Variants in ZNF836 observed in about 807,000 individuals in gnomAD.
ZNF836 encodes zinc finger protein 836.
Under a neutral mutation model 7.4 loss-of-function variants are expected in ZNF836, and 12 were observed. The observed-to-expected ratio is 1.61, with a 90% CI of 1.03 to 2.61. ZNF836 has a LOEUF of 2.61. ZNF836 is among the 30% of genes most tolerant of loss of function. The pLI, the probability that ZNF836 is intolerant of heterozygous loss-of-function variation, is 0.00. For missense variants in ZNF836, 998 were observed against 1,126.2 expected (o/e 0.89, Z 1.63); for synonymous variants, 365 against 382.6 (o/e 0.95, Z 0.54).
chr19:52,167,349 G>A (rs973815428), intron 3 of ZNF836, among the ~76,000 whole-genome samples: 1 of 151,484 alleles, frequency 6.6e-6, no homozygotes, highest in Non-Finnish European at 1.5e-5. Flanking sequence ...GCGCATGCCT[G>A]TAATCCCAGC....
chr19:52,162,431 T>C (rs2089220696), intron 3 of ZNF836, among the ~76,000 whole-genome samples: 1 of 152,238 alleles, frequency 6.6e-6, no homozygotes. Flanking sequence ...CCACATCTCA[T>C]GCCCTCTGCA....
chr19:52,157,351 TC>T lies in ZNF836; in HGVS notation c.331del (p.Glu111LysfsTer4). The T allele has an allele frequency of 6.2e-7, 1 of 1,607,450 alleles. No individual in the cohort carries two copies. The highest frequency in any genetic ancestry group is 8.5e-7 in the Non-Finnish European group (1 of 1,178,302). On this transcript the variant is annotated frameshift_variant, in exon 5 of 5. Transcript: ENST00000682614. LOFTEE classifies it low-confidence loss of function (END_TRUNC). ...QWKDGEINYK[E>X]VPMTYKNNLN... ...ATTGTTTTTATAGGTCATTGGCACT[TC>T]TTTATAATTTATTTCACCATCTTTC... is the stretch of plus-strand genomic sequence containing the variant.
chr19:52,159,954 C>G (rs1427809660), intron 4 of ZNF836, among the ~76,000 whole-genome samples: 1 of 152,022 alleles, frequency 6.6e-6, no homozygotes, highest in African/African-American at 2.4e-5. Context: ...GAGGCCAAGG[C>G]GGGCAGACTG....
rs745677194 is a variant in ZNF836 at position 52,155,869 on chromosome 19, G to A, written c.1814C>T (p.Thr605Ile). 5.6e-6 allele frequency: 9 copies of A among 1,614,028 alleles called. No homozygotes were observed. The highest frequency in any genetic ancestry group is 2.2e-5 in the East Asian group (1 of 44,886). Residue 605 changes from threonine (T) to isoleucine (I), a missense_variant, in exon 5 of 5, where the codon ACT becomes ATT. Thr to Ile is a moderately conservative substitution (Grantham distance 89). Transcript: ENST00000682614. ...SCLARHLRIH[T>I]GQKPYKCNVC... is the part of the protein sequence containing the mutation. The stretch of plus-strand genomic sequence containing the variant: ...ATTACATTTGTAAGGTTTCTGCCCA[G>A]TATGAATTCTTAGATGACGTGCTAG...
Position 52,155,933 on chromosome 19 carries a change from A to T in ZNF836, c.1750T>A (p.Cys584Ser). 6.2e-7 allele frequency: 1 copy of T among 1,614,010 alleles called. No homozygotes were observed. The highest frequency in any genetic ancestry group is 1.3e-5 in the African/African-American group (1 of 75,052). ...RIHTGEKPFQ[C>S]NECGTVFRNY... is the part of the protein sequence containing the mutation. ...CTGAAGACTGTGCCACATTCATTAC[A>T]TTGGAAAGGTTTCTCTCCCGTATGT... Residue 584 changes from cysteine to serine, a missense_variant, in exon 5 of 5, where the codon TGT (cysteine) becomes AGT (serine). Transcript: ENST00000682614.
At chr19:52,164,446 AGAAAAGG>A (rs1568573406) in intron 3 of ZNF836, among the ~76,000 whole-genome samples, 8 of 129,392 alleles carry the variant, frequency 6.2e-5, no homozygotes, top group South Asian at 4.7e-4. Context: ...AGAGAGAGAG[AGAAAAGG>A]AAGGAAGGAA....
At chr19:52,160,617 T>C (rs756620753) in intron 3 of ZNF836, 26 bp from the exon 4 acceptor site, 1 of 1,591,778 alleles carries the variant, frequency 6.3e-7, no homozygotes, top group Non-Finnish European at 8.5e-7. Context: ...CATTTCAACA[T>C]GAGCAATGGG....
At chr19:52,169,971 T>C (rs1443258224) in intron 1 of ZNF836, among the ~76,000 whole-genome samples, 190 bp from the exon 2 acceptor site, 1 of 152,090 alleles carries the variant, frequency 6.6e-6, no homozygotes, top group Non-Finnish European at 1.5e-5. Flanking sequence ...TACAAATAAA[T>C]ACAAAATGCA....
Position 52,169,351 on chromosome 19 carries a change from C to T in ZNF836, c.-81+297G>A, listed in dbSNP as rs1808534. Among the ~76,000 whole-genome samples, 18 of 152,150 alleles carry T rather than the reference C, an allele frequency of 1.2e-4. 1 individual carries two copies. The highest frequency in any genetic ancestry group is 6.8e-3 in the Middle Eastern group (2 of 294). ...TCCCAGTACTTTAGGAGGCCGAGGC[C>T]GGCAGATCACCTGAGGTTGGGAGTT... On this transcript the variant is annotated intron_variant, in intron 2 of 4. Coordinates refer to ENST00000682614, the MANE Select transcript of ZNF836 (RefSeq NM_001102657.3).
At position 52,156,230 on chromosome 19, in the gene ZNF836, G is replaced by A; in HGVS notation, c.1453C>T (p.Leu485Phe). The change falls in exon 5 of 5, where the codon CTT (leucine) becomes TTT (phenylalanine). Residue 485 changes from leucine (L) to phenylalanine (F), a missense_variant. By Grantham distance (22) the Leu-to-Phe change is conservative (BLOSUM62 0). Coordinates refer to ENST00000682614, the MANE Select transcript of ZNF836 (RefSeq NM_001102657.3). ...CGKVFSQTSHLVGHRRIHTGE... is the reference protein window; with the variant it reads ...CGKVFSQTSHFVGHRRIHTGE... ...GTATGAATTCTCCGATGCCCCACAA[G>A]ATGTGAAGTCTGACTGAAGACCTTG... 6.2e-7 allele frequency: 1 copy of A among 1,614,192 alleles called. No individual in the cohort carries two copies. Among genetic ancestry groups the A allele is most frequent in the Non-Finnish European group, 8.5e-7 (1 of 1,180,032 alleles).
intron 3 of ZNF836, among the ~76,000 whole-genome samples, chr19:52,166,134 G>A (rs967419498): frequency 3.9e-5 from 6 of 152,056 alleles, no homozygotes; most frequent in African/African-American, 1.4e-4. Flanking sequence ...TGGAACTACA[G>A]GCATGCGCCA....
At chr19:52,159,283 A>G (rs778370725) in intron 4 of ZNF836, among the ~76,000 whole-genome samples, 23 of 152,232 alleles carry the variant, frequency 1.5e-4, no homozygotes, top group Non-Finnish European at 3.1e-4. Context: ...GCAATATTCT[A>G]AGCTAGCAAA....
rs1344942823 is a variant in ZNF836 at position 52,155,133 on chromosome 19, C to A, written c.2550G>T (p.Val850=). The part of the protein sequence containing the change: ...GKAFIERSKL[V]YHQRNHTGEK... ...CTCCAGTGTGATTTCTTTGATGGTA[C>A]ACCAGCTTTGACCTTTCAATAAAAG... The change falls in exon 5 of 5, where the codon GTG becomes GTT. Residue 850 remains valine (V), a synonymous_variant. Transcript: ENST00000682614. 6.2e-7 allele frequency: 1 copy of A among 1,613,834 alleles called. No individual in the cohort carries two copies. The highest frequency in any genetic ancestry group is 2.2e-5 in the East Asian group (1 of 44,876).
chr19:52,160,499 C>T lies in ZNF836; in HGVS notation c.108G>A (p.Val36=), dbSNP rs748550068. 2 of 1,614,184 alleles carry T rather than the reference C, an allele frequency of 1.2e-6. No individual in the cohort carries two copies. Among genetic ancestry groups the T allele is most frequent in the Admixed American group, 1.7e-5 (1 of 60,024 alleles). Residue 36 remains valine (V), a synonymous_variant, in exon 4 of 5, where the codon GTG becomes GTA. Transcript: ENST00000682614. The part of the protein sequence containing the change: ...DPVQKALYWD[V]MLENYRNLVF... The stretch of plus-strand genomic sequence containing the variant: ...CCAGGTTCCTGTAGTTCTCCAACAT[C>T]ACATCCCAGTACAAAGCTTTCTGCA...
rs200074258 is a variant in ZNF836, at chr19:52,155,114, T to C, written c.2569A>G (p.Thr857Ala). The change falls in exon 5 of 5, where the codon ACT becomes GCT. Residue 857 changes from threonine (T) to alanine (A), a missense_variant. Thr to Ala is a moderately conservative substitution (Grantham distance 58). Transcript: ENST00000682614. ...ATACATTTGTATGGCTTCTCTCCAG[T>C]GTGATTTCTTTGATGGTACACCAGC... is the stretch of plus-strand genomic sequence containing the variant. ...SKLVYHQRNH[T>A]GEKPYKCIEC... The C allele has an allele frequency of 8.8e-4, 1,418 of 1,614,082 alleles. 1 individual carries two copies. The highest frequency in any genetic ancestry group is 1.2e-3 in the Non-Finnish European group (1,360 of 1,180,006).
chr19:52,163,458 T>A lies in ZNF836; in HGVS notation c.16-2867A>T, dbSNP rs527759969. ...GCTTTGAGAGTGTTTCTAACAAACA[T>A]CTTAGTTCATCACTCTTAAATTCTG... On this transcript the variant is annotated intron_variant, in intron 3 of 4. Transcript: ENST00000682614. Among the ~76,000 whole-genome samples the A allele has an allele frequency of 1.6e-3, 240 of 152,288 alleles. 3 individuals are homozygous for A. The highest frequency in any genetic ancestry group is 4.0e-3 in the African/African-American group (167 of 41,570).
chr19:52,159,433 A>G (rs1374377512), intron 4 of ZNF836, among the ~76,000 whole-genome samples: 1 of 152,246 alleles, frequency 6.6e-6, no homozygotes, highest in African/African-American at 2.4e-5. Context: ...TTCCGGGATC[A>G]AACATGTTTT....
At chr19:52,167,151 T>A (rs1347902737) in intron 3 of ZNF836, among the ~76,000 whole-genome samples, 1 of 151,690 alleles carries the variant, frequency 6.6e-6, no homozygotes, top group Non-Finnish European at 1.5e-5. Flanking sequence ...TAAAAGAATC[T>A]GACATTCAGG....
At position 52,155,958 on chromosome 19, in the gene ZNF836, T is replaced by C; in HGVS notation, c.1725A>G (p.Ile575Met). Reference sequence around the variant, plus strand: ...ATTGGAAAGGTTTCTCTCCCGTATGTATTCTCTTATGAATTGAAAGGTTTC... The same window carrying C: ...ATTGGAAAGGTTTCTCTCCCGTATGCATTCTCTTATGAATTGAAAGGTTTC... The part of the protein sequence containing the change: ...YSGNLSIHKR[I>M]HTGEKPFQCN... The change falls in exon 5 of 5, where the codon ATA becomes ATG. Residue 575 changes from isoleucine to methionine, a missense_variant. Ile to Met is a conservative substitution (Grantham distance 10). Transcript: ENST00000682614. 14 of 1,613,672 alleles carry C rather than the reference T, an allele frequency of 8.7e-6. No homozygotes were observed. The highest frequency in any genetic ancestry group is 1.6e-4 in the Middle Eastern group (1 of 6,062).
Sources: allele counts gnomAD v4.1 joint callset (sites outside exome capture counted in the v4.1 genomes callset), GRCh38; gene constraint gnomAD v4.1.1; transcripts MANE v1.5; gene names NCBI Gene and HGNC (gene_info 2026-07-23, HGNC 2026-07-21).